FGF14: variants seen among roughly 807,000 people sequenced by gnomAD.
FGF14 encodes fibroblast growth factor 14, also known as fibroblast growth factor homologous factor 4.
In FGF14, 5 loss-of-function variants were observed where a neutral mutation model predicts 25.5. The ratio of observed to expected loss-of-function variants is 0.20; its 90% confidence interval spans 0.10 to 0.41. FGF14 has a LOEUF of 0.41. FGF14 is among the 10% of genes least tolerant of loss of function. The pLI is 1.00. For missense variants in FGF14, 222 were observed against 320.1 expected (o/e 0.69, Z 2.34); for synonymous variants, 138 against 118.3 (o/e 1.17, Z -1.08).
At chr13:101,767,381 G>T (rs1212925702) in intron 3 of FGF14, among the ~76,000 whole-genome samples, 1 of 151,996 alleles carries the variant, frequency 6.6e-6, no homozygotes, top group East Asian at 1.9e-4. Context: ...AAGCTCCCTA[G>T]GGTTTCAGAA....
chr13:102,308,401 T>G (rs1451481143), intron 1 of FGF14, among the ~76,000 whole-genome samples: 1 of 152,160 alleles, frequency 6.6e-6, no homozygotes, highest in African/African-American at 2.4e-5. Context: ...ACAGGTATAA[T>G]TTCTCCAGGG....
Position 101,714,675 on chromosome 13 carries a change from C to G in FGF14, c.*8156G>C, listed in dbSNP as rs2034633777. 1.5e-6 allele frequency: 1 copy of G among 657,316 alleles called. No homozygotes were observed. The highest frequency in any genetic ancestry group is 2.6e-5 in the East Asian group (1 of 38,144). The allele number at this position is 657,316 out of a possible 1,614,324, so 40.7% of individuals were successfully genotyped here. On this transcript the variant is annotated 3_prime_UTR_variant, in exon 5 of 5. Transcript: ENST00000376143. ...CCAACCGTGAATATGAAATATCTAC[C>G]AAAGGCGAAGTGGGCATTTGGGAAA...
intron 3 of FGF14, among the ~76,000 whole-genome samples, chr13:101,732,449 T>C (rs2035873908): frequency 6.6e-6 from 1 of 152,140 alleles, no homozygotes; most frequent in Non-Finnish European, 1.5e-5. Context: ...TGATAAATAA[T>C]AGCTACTAAT....
At chr13:102,097,411 T>C (rs2044453779) in intron 1 of FGF14, among the ~76,000 whole-genome samples, 1 of 152,138 alleles carries the variant, frequency 6.6e-6, no homozygotes, top group South Asian at 2.1e-4. Flanking sequence ...CAATATGCTT[T>C]TAGACAAATT....
At chr13:102,181,739 G>A (rs2048683342) in intron 1 of FGF14, among the ~76,000 whole-genome samples, 1 of 152,116 alleles carries the variant, frequency 6.6e-6, no homozygotes, top group Non-Finnish European at 1.5e-5. Context: ...CTGTTGCTAG[G>A]TTGTACATAT....
rs1655278983 is a variant in FGF14, at chr13:101,722,654, T to G, written c.*177A>C. 4 of 767,918 alleles carry G rather than the reference T, an allele frequency of 5.2e-6. No homozygotes were observed. Among genetic ancestry groups the G allele is most frequent in the Non-Finnish European group, 6.4e-6 (3 of 465,964 alleles). The allele number at this position is 767,918 out of a possible 1,614,324, so 47.6% of individuals were successfully genotyped here. On this transcript the variant is annotated 3_prime_UTR_variant, in exon 5 of 5. Coordinates refer to ENST00000376143, the MANE Select transcript of FGF14 (RefSeq NM_004115.4). ...TGGTTATCCAGGTGTCTTCTTGTTGTGGGGGGTGCAACAGGTTGAGATTTA... is the reference window on the plus strand; with the variant it reads ...TGGTTATCCAGGTGTCTTCTTGTTGGGGGGGGTGCAACAGGTTGAGATTTA...
chr13:102,322,824 C>G (rs912154032), intron 1 of FGF14, among the ~76,000 whole-genome samples: 3 of 151,878 alleles, frequency 2.0e-5, no homozygotes, highest in Non-Finnish European at 2.9e-5. Flanking sequence ...GAAACAAATA[C>G]ACATACATTC....
At chr13:101,858,249 A>G (rs1262144074) in intron 3 of FGF14, among the ~76,000 whole-genome samples, 1 of 151,796 alleles carries the variant, frequency 6.6e-6, no homozygotes, top group South Asian at 2.1e-4. Context: ...AAAAAGGAAA[A>G]TAACTCAACT....
chr13:102,001,152 T>C (rs1273256336), intron 1 of FGF14, among the ~76,000 whole-genome samples: 3 of 152,148 alleles, frequency 2.0e-5, no homozygotes, highest in African/African-American at 4.8e-5. Context: ...AGCAGAACAA[T>C]TAAAGAATAA....
chr13:101,954,906 A>T (rs2036419936), intron 1 of FGF14, among the ~76,000 whole-genome samples: 1 of 152,248 alleles, frequency 6.6e-6, no homozygotes, highest in African/African-American at 2.4e-5. Flanking sequence ...AGTCAGGAGG[A>T]ATAGATGAAA....
chr13:101,815,884 T>C (rs2041818648), intron 3 of FGF14, among the ~76,000 whole-genome samples: 1 of 152,152 alleles, frequency 6.6e-6, no homozygotes, highest in Non-Finnish European at 1.5e-5. Flanking sequence ...AGAGAAGGAA[T>C]AAGCCCTCTT....
intron 1 of FGF14, among the ~76,000 whole-genome samples, chr13:101,947,888 A>C (rs2035914430): frequency 6.6e-6 from 1 of 152,240 alleles, no homozygotes; most frequent in Admixed American, 6.5e-5. Context: ...GTAAGAAGCA[A>C]TAATAATATG....
At chr13:102,004,708 A>G (rs2039688183) in intron 1 of FGF14, among the ~76,000 whole-genome samples, 1 of 152,180 alleles carries the variant, frequency 6.6e-6, no homozygotes, top group African/African-American at 2.4e-5. Context: ...TTTGAATCCC[A>G]TAATCCCCAC....
Position 101,712,516 on chromosome 13 carries a change from AT to A in FGF14, c.*10314del, listed in dbSNP as rs2034516252. On this transcript the variant is annotated 3_prime_UTR_variant, in exon 5 of 5. Transcript: ENST00000376143. ...AGATGAAATATAAGATATTTCATGA[AT>A]TGTGACATATATAAAATGATATCCT... The A allele has an allele frequency of 6.6e-6, 1 of 152,176 alleles. No homozygotes were observed. Among genetic ancestry groups the A allele is most frequent in the Admixed American group, 6.5e-5 (1 of 15,270 alleles). The allele number at this position is 152,176 out of a possible 1,614,324, so 9.4% of individuals were successfully genotyped here.
chr13:102,098,225 A>G (rs2044497304), intron 1 of FGF14, among the ~76,000 whole-genome samples: 1 of 152,238 alleles, frequency 6.6e-6, no homozygotes, highest in Non-Finnish European at 1.5e-5. Context: ...GCATCTATGC[A>G]GAAAACAGAC....
intron 1 of FGF14, among the ~76,000 whole-genome samples, chr13:101,927,167 AGG>A (rs2034421007): frequency 6.6e-6 from 1 of 152,158 alleles, no homozygotes; most frequent in Non-Finnish European, 1.5e-5. Context: ...TTCAGGGATG[AGG>A]GTACCCAATG....
intron 1 of FGF14, among the ~76,000 whole-genome samples, chr13:102,031,726 G>A (rs748976716): frequency 1.3e-5 from 2 of 150,564 alleles, no homozygotes; most frequent in Non-Finnish European, 2.9e-5. Flanking sequence ...GAAGAGCACT[G>A]AGTCCATAAA....
chr13:101,793,723 A>G (rs575774491), intron 3 of FGF14, among the ~76,000 whole-genome samples: 1 of 152,044 alleles, frequency 6.6e-6, no homozygotes, highest in East Asian at 1.9e-4. Context: ...CTGTCCCTCA[A>G]CCTGACCCAT....
At chr13:102,306,498 T>G (rs1223816335) in intron 1 of FGF14, among the ~76,000 whole-genome samples, 1 of 152,108 alleles carries the variant, frequency 6.6e-6, no homozygotes, top group Non-Finnish European at 1.5e-5. Flanking sequence ...AGAAAAAGGA[T>G]GTCATGAAAA....
Sources: allele counts gnomAD v4.1 joint callset (sites outside exome capture counted in the v4.1 genomes callset), GRCh38; gene constraint gnomAD v4.1.1; transcripts MANE v1.5; gene names NCBI Gene and HGNC (gene_info 2026-07-23, HGNC 2026-07-21).